The following SYT14 variants were observed in gnomAD, a reference collection of about 807,000 sequenced individuals.
SYT14 encodes synaptotagmin 14.
In SYT14, 32 loss-of-function variants were observed where a neutral mutation model predicts 74.2. The observed-to-expected ratio is 0.43, with a 90% CI of 0.33 to 0.58. SYT14 has a LOEUF of 0.58. Ranked by LOEUF, SYT14 falls within the 20% of genes least tolerant of loss-of-function variation. SYT14 has a pLI of 0.05. For missense variants in SYT14, 791 were observed against 981.8 expected (o/e 0.81, Z 2.60); for synonymous variants, 298 against 337.7 (o/e 0.88, Z 1.29).
At chr1:210,149,134 A>G (rs894576044) in intron 7 of SYT14, among the ~76,000 whole-genome samples, 2 of 151,798 alleles carry the variant, frequency 1.3e-5, no homozygotes, top group African/African-American at 4.8e-5. Context: ...AAAAAAGTGC[A>G]TATGTATATA....
At chr1:210,096,751 A>G (rs2102533516) in intron 6 of SYT14, among the ~76,000 whole-genome samples, 1 of 152,376 alleles carries the variant, frequency 6.6e-6, no homozygotes, top group Admixed American at 6.5e-5. Context: ...TTTCTTAAGT[A>G]GAGCACATGG....
At chr1:209,952,217 G>A (rs2078923412) in intron 1 of SYT14, among the ~76,000 whole-genome samples, 1 of 151,770 alleles carries the variant, frequency 6.6e-6, no homozygotes, top group Non-Finnish European at 1.5e-5. Flanking sequence ...TTAAAGTTAA[G>A]TTTGTTTTTA....
intron 9 of SYT14, among the ~76,000 whole-genome samples, chr1:210,160,283 G>C (rs2083346993): frequency 6.6e-6 from 1 of 151,800 alleles, no homozygotes; most frequent in African/African-American, 2.4e-5. Flanking sequence ...CTATTTGTTT[G>C]TTTATTCTTA....
chr1:210,100,530 A>G, intron 7 of SYT14, 69 bp downstream of exon 6: 1 of 1,493,240 alleles, frequency 6.7e-7, no homozygotes, highest in Non-Finnish European at 9.3e-7. Context: ...AATTTTAAAA[A>G]TCTTTAATCA....
chr1:210,081,286 A>G (rs1453227200), intron 5 of SYT14, among the ~76,000 whole-genome samples: 1 of 152,168 alleles, frequency 6.6e-6, no homozygotes, highest in Non-Finnish European at 1.5e-5. Flanking sequence ...TGAACAAAAC[A>G]TTTTGTCCCT....
intron 1 of SYT14, among the ~76,000 whole-genome samples, chr1:209,944,856 T>G (rs913543613): frequency 3.3e-5 from 5 of 152,188 alleles, no homozygotes; most frequent in Non-Finnish European, 7.3e-5. Flanking sequence ...GGAGAATGCT[T>G]GAAATTCAAT....
intron 2 of SYT14, among the ~76,000 whole-genome samples, chr1:209,960,915 A>G (rs2079066395): frequency 6.6e-6 from 1 of 152,178 alleles, no homozygotes; most frequent in East Asian, 1.9e-4. Context: ...TGGAGACAAC[A>G]GGTAGATTAC....
intron 2 of SYT14, chr1:209,965,861 G>A: frequency 2.2e-6 from 1 of 445,564 alleles, no homozygotes. Context: ...ATATTTATCG[G>A]TTTATTTTTG....
chr1:209,943,057 A>G (rs183575758), intron 1 of SYT14, among the ~76,000 whole-genome samples: 8 of 152,344 alleles, frequency 5.3e-5, no homozygotes, highest in African/African-American at 1.9e-4. Flanking sequence ...TAAGATTTCT[A>G]AGGCAAAATT....
exon 10 of SYT14, chr1:210,161,638 G>A (rs1340026187): frequency 2.2e-6 from 1 of 453,722 alleles, no homozygotes; most frequent in Admixed American, 2.4e-5. Flanking sequence ...AAATCTAAGT[G>A]CAAACAAGTA....
intron 2 of SYT14, among the ~76,000 whole-genome samples, chr1:209,966,196 T>C (rs539115038): frequency 1.1e-3 from 166 of 152,340 alleles, no homozygotes; most frequent in African/African-American, 3.8e-3. Context: ...CCTGTTCCAT[T>C]GATCTGTTTG....
At position 209,971,767 on chromosome 1, in the gene SYT14, T is replaced by C. The variant is rs533776210; in HGVS notation, c.-486+19011T>C. On this transcript the variant is annotated intron_variant, in intron 2 of 9. Transcript: ENST00000637265. ...ATCATGGCAGATTAACTTTTTGGTA[T>C]GTTGCTGAATTTGATTTGCTAATAT... Among the ~76,000 whole-genome samples the C allele has an allele frequency of 2.6e-5, 4 of 152,356 alleles. No individual in the cohort carries two copies. In the East Asian group the frequency reaches 7.7e-4, roughly 29 times the overall value.
exon 10 of SYT14, chr1:210,160,822 A>G: frequency 6.2e-7 from 1 of 1,614,000 alleles, no homozygotes; most frequent in Non-Finnish European, 8.5e-7. Flanking sequence ...AATCCAGTAT[A>G]TAAGGAAACT....
intron 5 of SYT14, among the ~76,000 whole-genome samples, chr1:210,072,134 T>TATATAG (rs1553274494): frequency 8.9e-6 from 1 of 112,118 alleles, no homozygotes; most frequent in Non-Finnish European, 1.5e-5. Context: ...TAATTAAAGA[T>TATATAG]ATATATATAT....
chr1:210,161,464 C>T (rs1464832569), exon 10 of SYT14: 1 of 454,282 alleles, frequency 2.2e-6, no homozygotes, highest in Admixed American at 2.4e-5. Flanking sequence ...TGGCCAGTCC[C>T]TGGTGTTTGT....
intron 1 of SYT14, among the ~76,000 whole-genome samples, chr1:209,941,569 GTT>G (rs1249706830): frequency 6.6e-6 from 1 of 152,122 alleles, no homozygotes; most frequent in Non-Finnish European, 1.5e-5. Flanking sequence ...ATATTTCTCA[GTT>G]TTGTCTTAAT....
chr1:210,083,244 G>A (rs895369599), intron 5 of SYT14, among the ~76,000 whole-genome samples: 4 of 151,876 alleles, frequency 2.6e-5, no homozygotes, highest in African/African-American at 7.3e-5. Context: ...CACCCACCTC[G>A]GCCTCCCAGA....
At chr1:210,001,917 TA>T (rs2079907639) in intron 2 of SYT14, among the ~76,000 whole-genome samples, 1 of 152,122 alleles carries the variant, frequency 6.6e-6, no homozygotes, top group East Asian at 1.9e-4. Flanking sequence ...AGAGTAGTCA[TA>T]GAGAGCCAGA....
At chr1:210,087,054 A>G (rs372567720) in intron 5 of SYT14, among the ~76,000 whole-genome samples, 58 of 152,178 alleles carry the variant, frequency 3.8e-4, no homozygotes, top group African/African-American at 1.3e-3. Flanking sequence ...TGTCCTCATG[A>G]CCAGCTGAGC....
Sources: gnomAD v4.1 joint callset for allele counts (sites outside exome capture counted in the v4.1 genomes callset) on GRCh38, gnomAD v4.1.1 for gene constraint, MANE v1.5 for transcripts, NCBI Gene and HGNC (gene_info 2026-07-23, HGNC 2026-07-21) for gene names.